Variants in TENM2 observed in about 807,000 individuals in gnomAD.
The protein encoded by TENM2 is teneurin-2.
A neutral mutation model predicts 245.2 loss-of-function variants in TENM2; 52 were observed. That is an observed-to-expected ratio of 0.21 (90% confidence interval 0.17 to 0.27). The LOEUF is 0.27. TENM2 is among the 10% of genes least tolerant of loss of function. The pLI, the probability that TENM2 is intolerant of heterozygous loss-of-function variation, is 1.00. For synonymous variants in TENM2, 1,363 were observed against 1,438.9 expected, an observed-to-expected ratio of 0.95 and a Z score of 1.19; for missense variants, 3,046 against 3,666.8, an observed-to-expected ratio of 0.83 and a Z score of 4.37.
intron 1 of TENM2, among the ~76,000 whole-genome samples, chr5:167,322,454 G>T (rs1314500328): frequency 1.3e-5 from 2 of 152,046 alleles, no homozygotes; most frequent in Non-Finnish European, 2.9e-5. Flanking sequence ...ATCCCACTGC[G>T]TTGCTCCCTG....
At chr5:167,863,117 G>A (rs1045253295) in intron 2 of TENM2, among the ~76,000 whole-genome samples, 2 of 152,100 alleles carry the variant, frequency 1.3e-5, no homozygotes, top group South Asian at 2.1e-4. Context: ...TCTTCAAGAC[G>A]GTTTGCTCAT....
chr5:167,583,552 T>G (rs1014906920), intron 2 of TENM2, among the ~76,000 whole-genome samples: 3 of 148,250 alleles, frequency 2.0e-5, no homozygotes, highest in African/African-American at 7.5e-5. Flanking sequence ...AAAAACCTAC[T>G]GAACATTTTT....
intron 2 of TENM2, among the ~76,000 whole-genome samples, chr5:167,859,315 A>C (rs1583205768): frequency 1.5e-5 from 2 of 134,390 alleles, no homozygotes; most frequent in Non-Finnish European, 1.6e-5. Flanking sequence ...TCCGCCCGGC[A>C]GCCACCCCAT....
intron 19 of TENM2, among the ~76,000 whole-genome samples, chr5:168,206,505 A>G (rs1167884867): frequency 6.6e-6 from 1 of 152,184 alleles, no homozygotes; most frequent in Non-Finnish European, 1.5e-5. Flanking sequence ...AAGGCCAACC[A>G]TTATGGAGAT....
intron 7 of TENM2, among the ~76,000 whole-genome samples, chr5:168,065,922 C>G (rs1209356826): frequency 6.6e-6 from 1 of 151,512 alleles, no homozygotes. Context: ...TTGCCCTCCC[C>G]GACTCCCACC....
At chr5:167,678,550 T>C (rs1014276167) in intron 2 of TENM2, among the ~76,000 whole-genome samples, 1 of 152,158 alleles carries the variant, frequency 6.6e-6, no homozygotes. Context: ...TCCAGTTATT[T>C]GCTTATTATC....
At position 167,874,976 on chromosome 5, in the gene TENM2, C is replaced by A. The variant is rs116767618; in HGVS notation, c.503-1010C>A. Among the ~76,000 whole-genome samples the A allele has an allele frequency of 1.6e-4, 24 of 152,282 alleles. No individual in the cohort carries two copies. In the South Asian group the frequency reaches 2.3e-3, roughly 14 times the overall value. ...ACTCTTTGGGATGCCAATGCATCAC[C>A]CTTTCCATCACTCTTCCACTTCTAC... On this transcript the variant is annotated intron_variant, in intron 2 of 28. Coordinates refer to ENST00000518659, the Ensembl canonical transcript of TENM2.
intron 12 of TENM2, among the ~76,000 whole-genome samples, chr5:168,127,269 C>T (rs2152362109): frequency 1.3e-5 from 2 of 152,332 alleles, no homozygotes; most frequent in South Asian, 2.1e-4. Context: ...TTGCAAGCAC[C>T]TCAAATCACT....
At chr5:167,435,167 A>G (rs1764472945) in intron 2 of TENM2, among the ~76,000 whole-genome samples, 2 of 152,146 alleles carry the variant, frequency 1.3e-5, no homozygotes, top group African/African-American at 4.8e-5. Context: ...GGGGAAAGGA[A>G]TAATGTAATC....
At chr5:167,780,617 C>A (rs952670489) in intron 2 of TENM2, among the ~76,000 whole-genome samples, 1 of 152,130 alleles carries the variant, frequency 6.6e-6, no homozygotes, top group African/African-American at 2.4e-5. Context: ...TTCGTTCAGG[C>A]CTGAGTTGCA....
intron 3 of TENM2, among the ~76,000 whole-genome samples, chr5:167,951,494 T>C (rs916905074): frequency 6.6e-6 from 1 of 152,234 alleles, no homozygotes; most frequent in Non-Finnish European, 1.5e-5. Flanking sequence ...ATTTTGTAGA[T>C]TGAGAATCGG....
the TENM2 span, among the ~76,000 whole-genome samples, chr5:167,196,138 G>A: frequency 2.0e-5 from 3 of 152,024 alleles, no homozygotes; most frequent in Non-Finnish European, 4.4e-5. Context: ...CTAGGCTATA[G>A]ATCTGTATAG....
the TENM2 span, among the ~76,000 whole-genome samples, chr5:166,982,614 G>T: frequency 6.6e-6 from 1 of 152,016 alleles, no homozygotes; most frequent in African/African-American, 2.4e-5. Flanking sequence ...AACATGAAAA[G>T]CCTATGTTAT....
chr5:167,523,645 A>G (rs1413978217), intron 2 of TENM2, among the ~76,000 whole-genome samples: 5 of 152,168 alleles, frequency 3.3e-5, no homozygotes, highest in African/African-American at 7.2e-5. Flanking sequence ...GAGGGCTGCA[A>G]TGTCTGAAAA....
At chr5:167,665,867 A>G (rs1755541602) in intron 2 of TENM2, among the ~76,000 whole-genome samples, 1 of 152,170 alleles carries the variant, frequency 6.6e-6, no homozygotes, top group South Asian at 2.1e-4. Context: ...TTTCATTGAC[A>G]TTATCTTCTA....
At chr5:167,560,017 C>T (rs984903743) in intron 2 of TENM2, among the ~76,000 whole-genome samples, 1 of 152,068 alleles carries the variant, frequency 6.6e-6, no homozygotes, top group African/African-American at 2.4e-5. Context: ...GCGATGCTTC[C>T]TTGGCATCTC....
At chr5:167,345,960 TC>T (rs1758432100) in intron 1 of TENM2, among the ~76,000 whole-genome samples, 1 of 149,140 alleles carries the variant, frequency 6.7e-6, no homozygotes, top group Non-Finnish European at 1.5e-5. Flanking sequence ...AAATATCTGG[TC>T]CCTAAATAAA....
At chr5:167,547,332 A>G (rs1403515854) in intron 2 of TENM2, among the ~76,000 whole-genome samples, 1 of 152,052 alleles carries the variant, frequency 6.6e-6, no homozygotes, top group Non-Finnish European at 1.5e-5. Context: ...CAGCACCCCA[A>G]AGTGCTGGGA....
chr5:168,057,930 C>CTT (rs1254512439), intron 6 of TENM2, among the ~76,000 whole-genome samples: 8 of 152,016 alleles, frequency 5.3e-5, no homozygotes, highest in African/African-American at 1.7e-4. Flanking sequence ...TACTCTCTCT[C>CTT]TCTCTCTGGG....
Sources: allele counts gnomAD v4.1 joint callset (sites outside exome capture counted in the v4.1 genomes callset), GRCh38; gene constraint gnomAD v4.1.1; transcripts MANE v1.5; gene names NCBI Gene and HGNC (gene_info 2026-07-23, HGNC 2026-07-21).